The following UBXN2A variants were observed in gnomAD, a reference collection of about 807,000 sequenced individuals.
UBXN2A encodes UBX domain-containing protein 2A.
In UBXN2A, 28 loss-of-function variants were observed where a neutral mutation model predicts 28.4. The ratio of observed to expected loss-of-function variants is 0.99; its 90% CI spans 0.73 to 1.35. The LOEUF (loss-of-function observed/expected upper bound fraction) is 1.35, where lower values mean the gene tolerates loss of function less well. Ranked by LOEUF, UBXN2A falls within the 40% of genes most tolerant of loss-of-function variation. The pLI, the probability that UBXN2A is intolerant of heterozygous loss-of-function variation, is 0.00. For synonymous variants in UBXN2A, 97 were observed against 103.6 expected, an observed-to-expected ratio of 0.94 and a Z score of 0.39; for missense variants, 253 against 297.9, an observed-to-expected ratio of 0.85 and a Z score of 1.11.
chr2:23,969,276 C>A (rs1707309372), intron 2 of UBXN2A, among the ~76,000 whole-genome samples: 1 of 152,152 alleles, frequency 6.6e-6, no homozygotes, highest in African/African-American at 2.4e-5. Flanking sequence ...GTGGCTCACA[C>A]CTGTAATGCC....
At chr2:23,936,527 C>A, upstream of UBXN2A, among the ~76,000 whole-genome samples, 1 of 148,900 alleles carries the variant, frequency 6.7e-6, no homozygotes, top group South Asian at 2.2e-4. Context: ...CCTGGGCAAC[C>A]TGGTGAAAAT....
chr2:23,930,522 T>C lies in UBXN2A; in HGVS notation c.-138+2907T>C, dbSNP rs140808616. 5.8e-4 allele frequency among the ~76,000 whole-genome samples: 88 copies of C among 152,226 alleles called. No individual in the cohort carries two copies. In the Middle Eastern group the frequency reaches 0.01, roughly 18 times the overall value. ...CTCTGAGAGGTAGTGACCCCTGAGA[T>C]ACGTGTTGAACCACAAAATTGTAGA... On this transcript the variant is annotated intron_variant, in intron 1 of 7. Transcript: ENST00000404924.
At chr2:23,971,870 A>C (rs1171173667) in intron 3 of UBXN2A, among the ~76,000 whole-genome samples, 1 of 152,050 alleles carries the variant, frequency 6.6e-6, no homozygotes, top group African/African-American at 2.4e-5. Flanking sequence ...AGACTGAGGC[A>C]GGAGGATCAC....
upstream of UBXN2A, among the ~76,000 whole-genome samples, chr2:23,936,196 C>T (rs1705520628): frequency 6.6e-6 from 1 of 152,054 alleles, no homozygotes; most frequent in Non-Finnish European, 1.5e-5. Flanking sequence ...GTGGAAGCAA[C>T]CCAAATGGCC....
rs1047212114 is a variant in UBXN2A, at chr2:24,002,883, G to C, written c.*3016G>C. Reference sequence around the variant, plus strand: ...AAAACACCTCTGTATACTGGTGAAAGAATGAAAAGAAGCAAATAATGCCTT... The same window carrying C: ...AAAACACCTCTGTATACTGGTGAAACAATGAAAAGAAGCAAATAATGCCTT... On this transcript the variant is annotated 3_prime_UTR_variant, in exon 7 of 7. Transcript: ENST00000309033. The C allele has an allele frequency of 1.3e-5, 2 of 152,154 alleles. No individual in the cohort carries two copies. Among genetic ancestry groups the C allele is most frequent in the African/African-American group, 4.8e-5 (2 of 41,426 alleles). The allele number at this position is 152,154 out of a possible 1,614,324, so 9.4% of individuals were successfully genotyped here. A position where few individuals can be genotyped will look rare whatever the true frequency, so the allele number is the denominator to read the frequency against.
At chr2:23,957,643 T>C in intron 1 of UBXN2A, among the ~76,000 whole-genome samples, 1 of 151,402 alleles carries the variant, frequency 6.6e-6, no homozygotes, top group Admixed American at 6.6e-5. Flanking sequence ...GAGACCAGCC[T>C]GACCAACATG....
rs1047227766 is a variant in UBXN2A, at chr2:23,971,406, A to G, written c.172A>G (p.Lys58Glu). The G allele has an allele frequency of 1.9e-6, 3 of 1,541,108 alleles. No homozygotes were observed. The African/African-American group carries it at 4.1e-5, about 21-fold the overall frequency. ...CAAATGTGTGTCTCCCGCTGAACAG[A>G]AGAAACAGGTAAATAAATGTCTATT... is the stretch of plus-strand genomic sequence containing the variant. ...SSKCVSPAEQ[K>E]KQVDVNIKLW... Residue 58 changes from lysine to glutamate, a missense_variant, in exon 3 of 7, where the codon AAG (lysine) becomes GAG (glutamate). Lys to Glu is a moderately conservative substitution (Grantham distance 56). Transcript: ENST00000309033.
intron 2 of UBXN2A, among the ~76,000 whole-genome samples, chr2:23,966,516 G>A (rs1414903798): frequency 6.8e-6 from 1 of 147,332 alleles, no homozygotes; most frequent in Non-Finnish European, 1.5e-5. Flanking sequence ...GCGGTGGCGT[G>A]ATCTCAGCTC....
chr2:23,982,439 C>G (rs1378353575), intron 4 of UBXN2A, among the ~76,000 whole-genome samples: 1 of 151,818 alleles, frequency 6.6e-6, no homozygotes, highest in African/African-American at 2.4e-5. Context: ...ATTGGACAAG[C>G]CTGGTGTAGT....
chr2:24,002,684 A>G lies in UBXN2A; in HGVS notation c.*2817A>G, dbSNP rs1462059687. 1 of 152,124 alleles carries G rather than the reference A, an allele frequency of 6.6e-6. No homozygotes were observed. The highest frequency in any genetic ancestry group is 1.5e-5 in the Non-Finnish European group (1 of 68,032). 9.4% of individuals were successfully genotyped at this position (152,124 alleles called of 1,614,324 possible). On this transcript the variant is annotated 3_prime_UTR_variant, in exon 7 of 7. Transcript: ENST00000309033. ...CTTGGCCTCCCAAAGTGCTAGGATT[A>G]TAGGCGTGAGCCACTGTGCCCAGCC...
chr2:23,973,919 C>T (rs370595737), intron 3 of UBXN2A, among the ~76,000 whole-genome samples: 4 of 152,106 alleles, frequency 2.6e-5, no homozygotes, highest in African/African-American at 4.8e-5. Context: ...CATGAGCCAC[C>T]GTGCCCGGCC....
chr2:23,999,523 A>G (rs1708661189), intron 6 of UBXN2A, 149 bp from the exon 7 acceptor site: 1 of 830,484 alleles, frequency 1.2e-6, no homozygotes, highest in Admixed American at 3.1e-5. Context: ...AGTTATTATG[A>G]TGGCACCACT....
intron 1 of UBXN2A, among the ~76,000 whole-genome samples, chr2:23,931,115 G>GCACT (rs1705353503): frequency 6.6e-6 from 1 of 152,008 alleles, no homozygotes; most frequent in Non-Finnish European, 1.5e-5. Flanking sequence ...ACTCTGCACT[G>GCACT]CACTCCAGCC....
At chr2:23,966,915 G>A (rs535850582) in intron 2 of UBXN2A, among the ~76,000 whole-genome samples, 23 of 151,554 alleles carry the variant, frequency 1.5e-4, no homozygotes, top group Non-Finnish European at 1.8e-4. Flanking sequence ...GCACCACCAC[G>A]CCCAGCTTAT....
intron 1 of UBXN2A, among the ~76,000 whole-genome samples, chr2:23,934,344 A>G (rs962850462): frequency 6.6e-6 from 1 of 152,268 alleles, no homozygotes; most frequent in Admixed American, 6.5e-5. Flanking sequence ...CAAATATTCA[A>G]TAAGCAAATG....
At chr2:23,976,684 G>C (rs1360553797) in intron 3 of UBXN2A, among the ~76,000 whole-genome samples, 1 of 152,066 alleles carries the variant, frequency 6.6e-6, no homozygotes, top group Non-Finnish European at 1.5e-5. Flanking sequence ...CACAACACAC[G>C]GGAATTCTGG....
rs1708703907 is a variant in UBXN2A, at chr2:24,000,626, G to A, written c.*759G>A. 3 of 152,308 alleles carry A rather than the reference G, an allele frequency of 2.0e-5. No homozygotes were observed. Among genetic ancestry groups the A allele is most frequent in the Non-Finnish European group, 4.4e-5 (3 of 68,052 alleles). The allele number at this position is 152,308 out of a possible 1,614,324, so 9.4% of individuals were successfully genotyped here. A position where few individuals can be genotyped will look rare whatever the true frequency, so the allele number is the denominator to read the frequency against. ...TGCCTGTAATCCCAGCACTTTGGGAGGCTGAGATGGGAGGATCACTTGAAG... is the reference window on the plus strand; with the variant it reads ...TGCCTGTAATCCCAGCACTTTGGGAAGCTGAGATGGGAGGATCACTTGAAG... On this transcript the variant is annotated 3_prime_UTR_variant, in exon 7 of 7. Coordinates refer to ENST00000309033, the MANE Select transcript of UBXN2A (RefSeq NM_181713.4).
At chr2:23,992,271 A>C (rs71439108) in intron 6 of UBXN2A, among the ~76,000 whole-genome samples, 9 of 152,016 alleles carry the variant, frequency 5.9e-5, no homozygotes, top group Admixed American at 4.6e-4. Context: ...CGCCCAGCCT[A>C]ATTTTGGTAT....
chr2:23,982,707 T>C (rs1707962385), intron 4 of UBXN2A, among the ~76,000 whole-genome samples, 189 bp from the exon 5 acceptor site: 1 of 152,226 alleles, frequency 6.6e-6, no homozygotes, highest in Admixed American at 6.5e-5. Flanking sequence ...TTAAAAATTA[T>C]ATTCCTGTGG....
Sources: allele counts gnomAD v4.1 joint callset (sites outside exome capture counted in the v4.1 genomes callset), GRCh38; gene constraint gnomAD v4.1.1; transcripts MANE v1.5; gene names NCBI Gene and HGNC (gene_info 2026-07-23, HGNC 2026-07-21).